Variants in SHC3 observed in about 807,000 individuals in gnomAD.
The protein encoded by SHC3 is SHC-transforming protein 3.
SHC3 carries 15 observed loss-of-function variants against 60.4 expected under a neutral mutation model. The observed-to-expected ratio is 0.25, with a 90% CI of 0.17 to 0.38. The LOEUF (loss-of-function observed/expected upper bound fraction) is 0.38. SHC3 is among the 10% of genes least tolerant of loss of function. The pLI, the probability that SHC3 is intolerant of heterozygous loss-of-function variation, is 1.00. For missense variants in SHC3, 677 were observed against 786.1 expected (o/e 0.86, Z 1.66); for synonymous variants, 294 against 325.9 (o/e 0.90, Z 1.05).
intron 6 of SHC3, among the ~76,000 whole-genome samples, chr9:89,056,732 C>T (rs568655572): frequency 8.5e-5 from 13 of 152,384 alleles, no homozygotes; most frequent in South Asian, 2.1e-4. Flanking sequence ...TCTGCTATTA[C>T]GGGCTAAGAT....
chr9:89,108,420 C>G (rs1825896700), intron 2 of SHC3, among the ~76,000 whole-genome samples: 1 of 151,756 alleles, frequency 6.6e-6, no homozygotes, highest in Non-Finnish European at 1.5e-5. Flanking sequence ...ACTCAGGAGG[C>G]TGAGGTGGGA....
chr9:89,135,806 C>A (rs1826310773), intron 1 of SHC3, among the ~76,000 whole-genome samples: 1 of 152,078 alleles, frequency 6.6e-6, no homozygotes. Context: ...TATTCTAATT[C>A]TCAGCATATA....
chr9:89,174,068 T>C (rs926495203), intron 1 of SHC3, among the ~76,000 whole-genome samples: 1 of 152,174 alleles, frequency 6.6e-6, no homozygotes, highest in Non-Finnish European at 1.5e-5. Context: ...AACTTTTGTA[T>C]GATCTTTGCT....
intron 11 of SHC3, among the ~76,000 whole-genome samples, chr9:89,021,211 A>AT (rs1262112231): frequency 6.6e-6 from 1 of 152,136 alleles, no homozygotes; most frequent in African/African-American, 2.4e-5. Flanking sequence ...CTTAAAAATG[A>AT]TTTTTCAGGA....
Position 89,075,140 on chromosome 9 carries a change from C to A in SHC3, c.698G>T (p.Ser233Ile). The change falls in exon 4 of 12, where the codon AGT (serine) becomes ATT (isoleucine). Residue 233 changes from serine (S) to isoleucine (I), a missense_variant. Coordinates refer to ENST00000375835, the MANE Select transcript of SHC3 (RefSeq NM_016848.6). ...GGAGTCCGGAGTTCGCAGGTTCAGA[C>A]TGGCCGTGGAGATGGTCAGAGAGAT... ...MSISLTISTA[S>I]LNLRTPDSKQ... 1 of 1,614,140 alleles carries A rather than the reference C, an allele frequency of 6.2e-7. No individual in the cohort carries two copies. The highest frequency in any genetic ancestry group is 1.7e-5 in the Admixed American group (1 of 60,010).
At chr9:89,046,646 T>C (rs1824779715) in intron 8 of SHC3, among the ~76,000 whole-genome samples, 198 bp downstream of exon 8, 1 of 152,140 alleles carries the variant, frequency 6.6e-6, no homozygotes, top group East Asian at 1.9e-4. Flanking sequence ...TCCAAAGCAT[T>C]TGGCCAATGC....
At chr9:89,042,649 T>C (rs1249230051) in intron 9 of SHC3, among the ~76,000 whole-genome samples, 2 of 152,258 alleles carry the variant, frequency 1.3e-5, no homozygotes, top group Non-Finnish European at 2.9e-5. Flanking sequence ...ATAGAAGCTC[T>C]GTACCTCCTA....
chr9:89,059,317 A>AT (rs1825022749), intron 6 of SHC3, among the ~76,000 whole-genome samples: 1 of 30,714 alleles, frequency 3.3e-5, no homozygotes, highest in African/African-American at 2.0e-4. Flanking sequence ...GTGGTGGAGG[A>AT]CGTTGTGGAG....
intron 1 of SHC3, among the ~76,000 whole-genome samples, chr9:89,162,607 G>C (rs1826725448): frequency 6.6e-6 from 1 of 151,898 alleles, no homozygotes; most frequent in Non-Finnish European, 1.5e-5. Context: ...ATGGATTAAA[G>C]ACTTAAACGT....
chr9:89,028,346 T>C (rs1826354835), intron 11 of SHC3, among the ~76,000 whole-genome samples: 1 of 151,992 alleles, frequency 6.6e-6, no homozygotes, highest in Non-Finnish European at 1.5e-5. Context: ...TCTCATGGTG[T>C]AAGAATGCCA....
chr9:89,164,602 A>C (rs1440677425), intron 1 of SHC3, among the ~76,000 whole-genome samples: 1 of 152,110 alleles, frequency 6.6e-6, no homozygotes, highest in Admixed American at 6.6e-5. Flanking sequence ...CAAGCAGCAG[A>C]GAGCTTTTAA....
chr9:89,099,608 T>A (rs909144415), intron 2 of SHC3, among the ~76,000 whole-genome samples: 1 of 152,194 alleles, frequency 6.6e-6, no homozygotes, highest in Non-Finnish European at 1.5e-5. Flanking sequence ...TGTCATTCCC[T>A]GAAATGCTGG....
chr9:89,096,388 TA>T (rs1437464304), intron 2 of SHC3, among the ~76,000 whole-genome samples: 2 of 152,194 alleles, frequency 1.3e-5, no homozygotes, highest in Non-Finnish European at 2.9e-5. Context: ...GTTTACAAGC[TA>T]ATTTCCATGA....
intron 10 of SHC3, among the ~76,000 whole-genome samples, chr9:89,039,809 T>A (rs1824644945): frequency 6.7e-6 from 1 of 150,128 alleles, no homozygotes; most frequent in South Asian, 2.1e-4. Flanking sequence ...ACCATTACCA[T>A]CAGCATCATC....
rs772304777 is a variant in SHC3, at chr9:89,011,234, A to G, written c.*2213T>C. 6.6e-6 allele frequency: 1 copy of G among 152,184 alleles called. No individual in the cohort carries two copies. The highest frequency in any genetic ancestry group is 1.5e-5 in the Non-Finnish European group (1 of 68,032). 9.4% of individuals were successfully genotyped at this position (152,184 alleles called of 1,614,324 possible). On this transcript the variant is annotated 3_prime_UTR_variant, in exon 12 of 12. Coordinates refer to ENST00000375835, the MANE Select transcript of SHC3 (RefSeq NM_016848.6). ...TGATTCTCATGCAAAAAATATATAT[A>G]TTTTCTATCACCATCGAACTAGACA...
intron 1 of SHC3, among the ~76,000 whole-genome samples, chr9:89,161,220 A>G (rs1422610031): frequency 6.6e-6 from 1 of 152,176 alleles, no homozygotes; most frequent in East Asian, 1.9e-4. Context: ...TGAATGGTTT[A>G]GCACCACCCC....
At chr9:89,154,227 C>G (rs1471721615) in intron 1 of SHC3, among the ~76,000 whole-genome samples, 1 of 151,792 alleles carries the variant, frequency 6.6e-6, no homozygotes, top group African/African-American at 2.4e-5. Flanking sequence ...AGCTCATCAG[C>G]TATCATTAGT....
intron 11 of SHC3, among the ~76,000 whole-genome samples, chr9:89,035,477 A>C (rs71510286): frequency 0.087 from 13,310 of 152,226 alleles, 792 homozygotes; most frequent in Admixed American, 0.13. Flanking sequence ...ATAAGGATGT[A>C]ATAGCATGGT....
At chr9:89,079,195 A>C (rs1304280143) in intron 2 of SHC3, among the ~76,000 whole-genome samples, 1 of 152,248 alleles carries the variant, frequency 6.6e-6, no homozygotes, top group African/African-American at 2.4e-5. Context: ...TTCATTTTAT[A>C]ATAATATTCT....
Sources: gnomAD v4.1 joint callset for allele counts (sites outside exome capture counted in the v4.1 genomes callset) on GRCh38, gnomAD v4.1.1 for gene constraint, MANE v1.5 for transcripts, NCBI Gene and HGNC (gene_info 2026-07-23, HGNC 2026-07-21) for gene names.